Variants in SCIMP observed in about 807,000 individuals in gnomAD.
The protein encoded by SCIMP is SLP adaptor and CSK interacting membrane protein, also known as SLP adapter and CSK-interacting membrane protein.
In SCIMP, 18 loss-of-function variants were observed where a neutral mutation model predicts 22.0. That is an observed-to-expected ratio of 0.82 (90% confidence interval 0.56 to 1.21). The LOEUF (loss-of-function observed/expected upper bound fraction) is 1.21, where lower values mean the gene tolerates loss of function less well. Ranked by LOEUF, SCIMP falls within the 50% of genes most tolerant of loss-of-function variation. The probability of loss-of-function intolerance (pLI) is 0.00; values close to 1 mark genes in which losing one functional copy is unlikely to be tolerated. For missense variants in SCIMP, 155 were observed against 171.2 expected (o/e 0.91, Z 0.53); for synonymous variants, 53 against 62.2 (o/e 0.85, Z 0.70).
At chr17:5,226,672 AT>A (rs1271958129) in intron 1 of SCIMP, among the ~76,000 whole-genome samples, 4 of 150,760 alleles carry the variant, frequency 2.7e-5, no homozygotes, top group African/African-American at 9.8e-5. Flanking sequence ...TGCCCGGCTA[AT>A]TTTTTTTGTA....
chr17:5,210,713 G>T lies in SCIMP; in HGVS notation c.*88C>A, dbSNP rs183322183. Reference sequence around the variant, plus strand: ...TCACCACTGGCTTTCAGGGCCCAGAGACCTACTGAAGTTCAACCATTCTTG... The same window carrying T: ...TCACCACTGGCTTTCAGGGCCCAGATACCTACTGAAGTTCAACCATTCTTG... On this transcript the variant is annotated 3_prime_UTR_variant, in exon 5 of 5. Coordinates refer to ENST00000574081, the MANE Select transcript of SCIMP (RefSeq NM_207103.3). 2.5e-3 allele frequency: 3,790 copies of T among 1,512,298 alleles called. 8 individuals are homozygous for T. The highest frequency in any genetic ancestry group is 3.0e-3 in the Non-Finnish European group (3,365 of 1,128,084). The allele number at this position is 1,512,298 out of a possible 1,614,324, so 93.7% of individuals were successfully genotyped here.
chr17:5,217,587 G>T (rs1432408177), intron 3 of SCIMP, among the ~76,000 whole-genome samples: 1 of 103,568 alleles, frequency 9.7e-6, no homozygotes, highest in Non-Finnish European at 1.8e-5. Flanking sequence ...AACAGTCCCC[G>T]GTGTGTGATG....
intron 4 of SCIMP, chr17:5,213,285 TCTCA>T: frequency 1.1e-6 from 1 of 922,244 alleles, no homozygotes; most frequent in Non-Finnish European, 1.3e-6. Context: ...TGAGACAGGG[TCTCA>T]CTCTGTCGTC....
Position 5,210,742 on chromosome 17 carries a change from G to C in SCIMP, c.*59C>G, listed in dbSNP as rs1003132887. On this transcript the variant is annotated 3_prime_UTR_variant, in exon 5 of 5. Coordinates refer to ENST00000574081, the MANE Select transcript of SCIMP (RefSeq NM_207103.3). ...TACTGAAGTTCAACCATTCTTGATT[G>C]TTTTAAAATAAGTTGTGTGAACCCT... 6.4e-7 allele frequency: 1 copy of C among 1,562,676 alleles called. No individual in the cohort carries two copies. The highest frequency in any genetic ancestry group is 1.4e-5 in the African/African-American group (1 of 72,642).
intron 2 of SCIMP, among the ~76,000 whole-genome samples, chr17:5,222,717 T>G (rs545896440): frequency 6.6e-6 from 1 of 151,948 alleles, no homozygotes; most frequent in Admixed American, 6.6e-5. Flanking sequence ...CAGGCTGGAG[T>G]GCAGTGGCAC....
rs757423379 is a variant in SCIMP, at chr17:5,210,883, A to G, written c.356T>C (p.Val119Ala). 19 of 1,614,046 alleles carry G rather than the reference A, an allele frequency of 1.2e-5. No homozygotes were observed. The highest frequency in any genetic ancestry group is 2.7e-5 in the African/African-American group (2 of 74,924). The change falls in exon 5 of 5, where the codon GTT becomes GCT. Residue 119 changes from valine (V) to alanine (A), a missense_variant. Transcript: ENST00000574081. ...AGGCTCAATGTAGCTTGGGATGGAAACAGTCTTCTTATTTTTAACTTTATT... is the reference window on the plus strand; with the variant it reads ...AGGCTCAATGTAGCTTGGGATGGAAGCAGTCTTCTTATTTTTAACTTTATT... ...LVNKVKNKKT[V>A]SIPSYIEPED...
At chr17:5,224,328 G>A (rs528878684) in intron 1 of SCIMP, among the ~76,000 whole-genome samples, 1 of 151,964 alleles carries the variant, frequency 6.6e-6, no homozygotes, top group East Asian at 1.9e-4. Context: ...TAGTAGAGAC[G>A]GGGTTTCACC....
chr17:5,231,739 T>A (rs1301409097), intron 1 of SCIMP, among the ~76,000 whole-genome samples: 2 of 152,170 alleles, frequency 1.3e-5, no homozygotes, highest in African/African-American at 4.8e-5. Context: ...GCCTCATGAA[T>A]AAATGCATTC....
rs116424388 is a variant in SCIMP, at chr17:5,219,693, G to A, written c.209+1594C>T. 4.5e-3 allele frequency among the ~76,000 whole-genome samples: 690 copies of A among 152,264 alleles called. 6 individuals carry two copies. Among genetic ancestry groups the A allele is most frequent in the African/African-American group, 0.016 (667 of 41,550 alleles). Reference sequence around the variant, plus strand: ...CCTTGGGCCACACCAGATAGTTTATGTTAATAATGTGGTTTATGGTGAATG... The same window carrying A: ...CCTTGGGCCACACCAGATAGTTTATATTAATAATGTGGTTTATGGTGAATG... On this transcript the variant is annotated intron_variant, in intron 3 of 4. Coordinates refer to ENST00000574081, the MANE Select transcript of SCIMP (RefSeq NM_207103.3).
chr17:5,233,243 A>C (rs547712179), intron 1 of SCIMP, among the ~76,000 whole-genome samples: 1 of 152,018 alleles, frequency 6.6e-6, no homozygotes, highest in African/African-American at 2.4e-5. Flanking sequence ...CAGCCTCCAA[A>C]TGTAGTCCAA....
intron 2 of SCIMP, among the ~76,000 whole-genome samples, chr17:5,221,863 C>T (rs992105732): frequency 2.0e-5 from 3 of 152,136 alleles, no homozygotes; most frequent in Admixed American, 6.6e-5. Context: ...ACCTCTGCTC[C>T]CTGGGTTCAA....
At chr17:5,234,712 C>G (rs1428930553) in intron 1 of SCIMP, 23 bp downstream of exon 1, 1 of 1,611,060 alleles carries the variant, frequency 6.2e-7, no homozygotes. Flanking sequence ...GGAAACTGTC[C>G]CTTGGAAAGC....
At chr17:5,232,486 A>G (rs2074710209) in intron 1 of SCIMP, among the ~76,000 whole-genome samples, 1 of 152,264 alleles carries the variant, frequency 6.6e-6, no homozygotes, top group South Asian at 2.1e-4. Flanking sequence ...TGACCATGGA[A>G]AAAGAGGTGG....
At chr17:5,230,424 G>A (rs1254767667) in intron 1 of SCIMP, among the ~76,000 whole-genome samples, 2 of 152,184 alleles carry the variant, frequency 1.3e-5, no homozygotes, top group Non-Finnish European at 1.5e-5. Context: ...GGTAGGAACT[G>A]GGGAATGTTG....
intron 3 of SCIMP, among the ~76,000 whole-genome samples, chr17:5,219,375 C>T (rs1047072031): frequency 1.3e-5 from 2 of 151,522 alleles, no homozygotes; most frequent in Admixed American, 6.6e-5. Flanking sequence ...ACTTGTAATC[C>T]GAGCACTTTG....
At chr17:5,227,162 C>T (rs978561062) in intron 1 of SCIMP, among the ~76,000 whole-genome samples, 5 of 152,038 alleles carry the variant, frequency 3.3e-5, no homozygotes, top group African/African-American at 9.6e-5. Context: ...TTGCACTGGC[C>T]GAGTGCAGTA....
At chr17:5,217,977 G>A (rs1462070304) in intron 3 of SCIMP, among the ~76,000 whole-genome samples, 1 of 151,986 alleles carries the variant, frequency 6.6e-6, no homozygotes, top group African/African-American at 2.4e-5. Context: ...AGATCCCTGA[G>A]GAATCGCCAC....
At chr17:5,222,956 C>G (rs1032169517) in intron 2 of SCIMP, among the ~76,000 whole-genome samples, 1 of 152,198 alleles carries the variant, frequency 6.6e-6, no homozygotes, top group Non-Finnish European at 1.5e-5. Flanking sequence ...TGAGCCACCA[C>G]GCCCAGCCGA....
chr17:5,226,508 C>T (rs67028172), intron 1 of SCIMP, among the ~76,000 whole-genome samples: 556 of 32,916 alleles, frequency 0.017, 44 homozygotes, highest in Non-Finnish European at 0.038. Flanking sequence ...TTCTTTCTTT[C>T]TTTTTTTTTT....
Sources: allele counts gnomAD v4.1 joint callset (sites outside exome capture counted in the v4.1 genomes callset), GRCh38; gene constraint gnomAD v4.1.1; transcripts MANE v1.5; gene names NCBI Gene and HGNC (gene_info 2026-07-23, HGNC 2026-07-21).